The following TBCA variants were observed in gnomAD, a reference collection of about 807,000 sequenced individuals.
TBCA encodes tubulin-specific chaperone A.
A neutral mutation model predicts 15.8 loss-of-function variants in TBCA; 6 were observed. The observed-to-expected ratio is 0.38, with a 90% CI of 0.21 to 0.75. The LOEUF is 0.75. TBCA is among the 30% of genes least tolerant of loss of function. The pLI is 0.46. For synonymous variants in TBCA, 32 were observed against 42.3 expected (o/e 0.76, Z 0.94); for missense variants, 90 against 131.2 (o/e 0.69, Z 1.53).
intron 1 of TBCA, among the ~76,000 whole-genome samples, chr5:77,769,011 T>C (rs1363426606): frequency 6.6e-6 from 1 of 152,260 alleles, no homozygotes; most frequent in Non-Finnish European, 1.5e-5. Context: ...ACATTCAACC[T>C]GGAGAATAAA....
Position 77,732,412 on chromosome 5 carries a change from G to A in TBCA, c.54-24065C>T, listed in dbSNP as rs748795792. 5.9e-5 allele frequency among the ~76,000 whole-genome samples: 9 copies of A among 151,966 alleles called. No individual in the cohort carries two copies. The South Asian group carries it at 1.5e-3, about 25-fold the overall frequency. On this transcript the variant is annotated intron_variant, in intron 1 of 3. Coordinates refer to ENST00000380377, the MANE Select transcript of TBCA (RefSeq NM_004607.3). ...TAAAAATACAAAAAATTAGCCGGGC[G>A]TGGTGACGGGCGCCTGTAGGCCCAG...
chr5:77,764,042 CA>C (rs1193104599), intron 1 of TBCA, among the ~76,000 whole-genome samples: 1 of 151,958 alleles, frequency 6.6e-6, no homozygotes, highest in African/African-American at 2.4e-5. Flanking sequence ...ACACAACCAT[CA>C]AAAAAATGTA....
intron 1 of TBCA, among the ~76,000 whole-genome samples, chr5:77,765,938 A>T (rs1257151112): frequency 3.9e-5 from 6 of 152,100 alleles, no homozygotes; most frequent in Admixed American, 1.3e-4. Context: ...TGAGAATAAA[A>T]ACATACATTC....
intron 1 of TBCA, among the ~76,000 whole-genome samples, chr5:77,708,806 T>C (rs1201610861): frequency 6.6e-6 from 1 of 152,026 alleles, no homozygotes; most frequent in Non-Finnish European, 1.5e-5. Flanking sequence ...CCCGACCTTG[T>C]GATCCACCAG....
At chr5:77,707,788 A>T (rs1278264320) in intron 2 of TBCA, among the ~76,000 whole-genome samples, 1 of 152,116 alleles carries the variant, frequency 6.6e-6, no homozygotes, top group Non-Finnish European at 1.5e-5. Flanking sequence ...TATATCTGAT[A>T]CTTAAAATTG....
At chr5:77,696,436 A>G (rs958386629) in intron 2 of TBCA, among the ~76,000 whole-genome samples, 2 of 152,206 alleles carry the variant, frequency 1.3e-5, no homozygotes, top group Non-Finnish European at 2.9e-5. Context: ...AAAGAAAAAA[A>G]ATGATCTTTG....
intron 3 of TBCA, chr5:77,693,000 T>C: frequency 1.4e-6 from 2 of 1,410,548 alleles, no homozygotes; most frequent in Non-Finnish European, 1.8e-6. Flanking sequence ...TGCTGGACAA[T>C]ACTGGTACTA....
chr5:77,702,699 T>C (rs141131352), intron 2 of TBCA, among the ~76,000 whole-genome samples: 1 of 152,330 alleles, frequency 6.6e-6, no homozygotes, highest in East Asian at 1.9e-4. Flanking sequence ...AATACTGTAT[T>C]ATATTTATAC....
chr5:77,759,551 C>T (rs1042851087), intron 1 of TBCA, among the ~76,000 whole-genome samples: 8 of 152,050 alleles, frequency 5.3e-5, no homozygotes, highest in Admixed American at 5.2e-4. Flanking sequence ...TTTTGGTTTA[C>T]GCATCAAAGC....
intron 2 of TBCA, 94 bp from the exon 3 acceptor site, chr5:77,693,446 C>T: frequency 7.3e-7 from 1 of 1,377,922 alleles, no homozygotes; most frequent in Admixed American, 2.4e-5. Context: ...TAAGAGGAAT[C>T]AGAAAAAAGT....
At chr5:77,691,679 G>C (rs1369204976) in intron 3 of TBCA, 181 bp from the exon 4 acceptor site, 1 of 1,339,198 alleles carries the variant, frequency 7.5e-7, no homozygotes, top group Non-Finnish European at 9.5e-7. Flanking sequence ...TTCTTTACAA[G>C]GAAAGGAAGA....
intron 1 of TBCA, among the ~76,000 whole-genome samples, chr5:77,712,869 A>G (rs892879059): frequency 6.6e-6 from 1 of 152,212 alleles, no homozygotes; most frequent in Non-Finnish European, 1.5e-5. Context: ...AAGATTTGGA[A>G]TTCACAAACA....
chr5:77,744,747 G>A (rs1387959706), intron 1 of TBCA, among the ~76,000 whole-genome samples: 5 of 151,892 alleles, frequency 3.3e-5, no homozygotes, highest in Non-Finnish European at 7.4e-5. Flanking sequence ...TGTTGGCCAG[G>A]CTGGTCTCGA....
rs542934710 is a variant in TBCA, at chr5:77,746,567, T to C, written c.53+29638A>G. 5.9e-5 allele frequency among the ~76,000 whole-genome samples: 9 copies of C among 152,280 alleles called. No individual in the cohort carries two copies. The East Asian group carries it at 9.6e-4, about 16-fold the overall frequency. The stretch of plus-strand genomic sequence containing the variant: ...CTCAATTCCTATGTCTAAACCTCCT[T>C]TTTCGATATTAACTTGGTAGACTTA... On this transcript the variant is annotated intron_variant, in intron 1 of 3. Transcript: ENST00000380377.
intron 2 of TBCA, among the ~76,000 whole-genome samples, chr5:77,707,548 C>T (rs370564782): frequency 9.9e-4 from 151 of 152,104 alleles, no homozygotes; most frequent in African/African-American, 3.3e-3. Flanking sequence ...GAGGTTGAGA[C>T]AGGGATTGGT....
chr5:77,768,116 C>A (rs1747826597), intron 1 of TBCA, among the ~76,000 whole-genome samples: 1 of 152,122 alleles, frequency 6.6e-6, no homozygotes, highest in Non-Finnish European at 1.5e-5. Flanking sequence ...GACTTCCCAG[C>A]CTCTGGAACT....
chr5:77,724,541 T>C (rs1011918657), intron 1 of TBCA, among the ~76,000 whole-genome samples: 6 of 152,138 alleles, frequency 3.9e-5, no homozygotes, highest in Non-Finnish European at 8.8e-5. Flanking sequence ...AAGTACTTTA[T>C]ATAGTTATGG....
rs1745765063 is a variant in TBCA, at chr5:77,692,219, T to C, written c.247-721A>G. The C allele has an allele frequency of 1.4e-5, 14 of 985,246 alleles. No individual in the cohort carries two copies. The South Asian group carries it at 6.1e-4, about 43-fold the overall frequency. 61.0% of individuals were successfully genotyped at this position (985,246 alleles called of 1,614,324 possible). On this transcript the variant is annotated intron_variant, in intron 3 of 3. Transcript: ENST00000380377. The stretch of plus-strand genomic sequence containing the variant: ...GTCAGGTCAATAAAAGATGGAGATA[T>C]ACAAACAGTAGAGGAAATAAAGTAT...
chr5:77,759,336 T>C (rs1747551024), intron 1 of TBCA, among the ~76,000 whole-genome samples: 2 of 152,198 alleles, frequency 1.3e-5, no homozygotes. Context: ...AGCCTCCAGG[T>C]AGCAGACTTC....
Sources: allele counts gnomAD v4.1 joint callset (sites outside exome capture counted in the v4.1 genomes callset), GRCh38; gene constraint gnomAD v4.1.1; transcripts MANE v1.5; gene names NCBI Gene and HGNC (gene_info 2026-07-23, HGNC 2026-07-21).